Variants in CIMAP2 observed in about 807,000 individuals in gnomAD.
CIMAP2 encodes ciliary microtubule associated protein 2, also known as ciliary microtubule-associated protein 2.
the CIMAP2 span, among the ~76,000 whole-genome samples, chr1:54,808,325 G>C: frequency 2.0e-5 from 3 of 152,214 alleles, no homozygotes; most frequent in Non-Finnish European, 4.4e-5. Context: ...AATTGATAGA[G>C]AGTAGTCAGG....
chr1:54,823,428 AT>A, the CIMAP2 span, among the ~76,000 whole-genome samples: 1 of 150,482 alleles, frequency 6.6e-6, no homozygotes, highest in East Asian at 2.0e-4. Flanking sequence ...TTTGTGGAAT[AT>A]TTTTTTCCAT....
chr1:54,826,681 G>C, the CIMAP2 span, among the ~76,000 whole-genome samples: 7 of 152,250 alleles, frequency 4.6e-5, no homozygotes, highest in Non-Finnish European at 1.0e-4. Flanking sequence ...TAGGATTGCA[G>C]GAGCCTGTGC....
At chr1:54,810,529 C>A in the CIMAP2 span, among the ~76,000 whole-genome samples, 1 of 152,166 alleles carries the variant, frequency 6.6e-6, no homozygotes, top group Non-Finnish European at 1.5e-5. Context: ...AAATCTGATG[C>A]CCTTAGTGGC....
At chr1:54,820,972 T>C in the CIMAP2 span, among the ~76,000 whole-genome samples, 3 of 152,142 alleles carry the variant, frequency 2.0e-5, no homozygotes, top group Non-Finnish European at 2.9e-5. Context: ...TTTCACCATG[T>C]TGGCCAGGCT....
the CIMAP2 span, chr1:54,813,935 G>A: frequency 6.2e-7 from 1 of 1,612,190 alleles, no homozygotes; most frequent in Non-Finnish European, 8.5e-7. Context: ...CCTACAGAGA[G>A]GATTTACTGG....
chr1:54,842,002 G>A, the CIMAP2 span: 1 of 928,740 alleles, frequency 1.1e-6, no homozygotes, highest in East Asian at 2.6e-5. Flanking sequence ...GGAGAGGGGA[G>A]AGATGTATGG....
At chr1:54,841,472 C>T in the CIMAP2 span, 26 of 1,342,852 alleles carry the variant, frequency 1.9e-5, no homozygotes, top group South Asian at 3.8e-4. Context: ...AAGTTCCCTC[C>T]TCTCTCTGGT....
At chr1:54,840,470 G>A in the CIMAP2 span, among the ~76,000 whole-genome samples, 51 of 152,302 alleles carry the variant, frequency 3.3e-4, no homozygotes, top group African/African-American at 1.1e-3. Flanking sequence ...TCATGTAGAC[G>A]TATGTTTTTA....
At chr1:54,810,682 A>G in the CIMAP2 span, among the ~76,000 whole-genome samples, 1 of 152,230 alleles carries the variant, frequency 6.6e-6, no homozygotes, top group African/African-American at 2.4e-5. Context: ...AGAGCAGCAG[A>G]AAACGTCCTG....
At chr1:54,842,076 G>C in the CIMAP2 span, 1 of 597,170 alleles carries the variant, frequency 1.7e-6, no homozygotes, top group Middle Eastern at 4.5e-4. Context: ...GCTGGGGACA[G>C]GTATCTTTTG....
the CIMAP2 span, chr1:54,842,075 A>G: frequency 1.7e-6 from 1 of 600,100 alleles, no homozygotes; most frequent in Non-Finnish European, 2.9e-6. Context: ...AGCTGGGGAC[A>G]GGTATCTTTT....
At chr1:54,811,765 G>GCCGGGGGGGGGGGGGCC in the CIMAP2 span, 4 of 1,301,322 alleles carry the variant, frequency 3.1e-6, no homozygotes, top group South Asian at 1.2e-5. Context: ...GGTTCTGACA[G>GCCGGGGGGGGGGGGGCC]CCTCCATGCC....
chr1:54,813,976 G>C, the CIMAP2 span: 1 of 1,599,056 alleles, frequency 6.3e-7, no homozygotes, highest in South Asian at 1.1e-5. Context: ...CCGCACACTG[G>C]TGAGTTCACT....
the CIMAP2 span, chr1:54,811,755 G>T: frequency 7.5e-7 from 1 of 1,339,240 alleles, no homozygotes; most frequent in Non-Finnish European, 1.0e-6. Flanking sequence ...CACAAGGAGT[G>T]GTTCTGACAG....
chr1:54,807,180 C>A, the CIMAP2 span: 3 of 1,310,370 alleles, frequency 2.3e-6, no homozygotes, highest in Non-Finnish European at 3.3e-6. Context: ...GTAGAAGGGG[C>A]GTACTTTCTA....
At chr1:54,813,835 A>G in the CIMAP2 span, 3 of 1,608,370 alleles carry the variant, frequency 1.9e-6, no homozygotes, top group Admixed American at 1.7e-5. Context: ...CAGGGAACTG[A>G]TGAATTTCAA....
At chr1:54,817,111 C>A in the CIMAP2 span, 92 of 1,614,024 alleles carry the variant, frequency 5.7e-5, no homozygotes, top group Non-Finnish European at 7.6e-5. Context: ...TGGCCCGGGA[C>A]ATGCTCATGC....
chr1:54,809,695 T>C, the CIMAP2 span, among the ~76,000 whole-genome samples: 1 of 152,068 alleles, frequency 6.6e-6, no homozygotes. Context: ...TCTTGGACTT[T>C]GCTCCCTGAG....
the CIMAP2 span, chr1:54,811,766 C>CGGGGGGGGGGGCG: frequency 2.1e-5 from 27 of 1,305,166 alleles, no homozygotes; most frequent in Non-Finnish European, 2.6e-5. Flanking sequence ...GTTCTGACAG[C>CGGGGGGGGGGGCG]CTCCATGCCC....
Sources: gnomAD v4.1 joint callset for allele counts (sites outside exome capture counted in the v4.1 genomes callset) on GRCh38, gnomAD v4.1.1 for gene constraint, MANE v1.5 for transcripts, NCBI Gene and HGNC (gene_info 2026-07-23, HGNC 2026-07-21) for gene names.